Variants in TMC8 observed in about 807,000 individuals in gnomAD.
TMC8 encodes transmembrane channel like 8.
Under a neutral mutation model 76.0 loss-of-function variants are expected in TMC8, and 71 were observed. The observed-to-expected ratio is 0.93, with a 90% confidence interval of 0.77 to 1.14. TMC8 has a LOEUF of 1.14. Ranked by LOEUF, TMC8 falls within the 50% of genes most tolerant of loss-of-function variation. TMC8 has a pLI of 0.00. For missense variants in TMC8, 924 were observed against 947.9 expected (o/e 0.97, Z 0.33); for synonymous variants, 433 against 433.8 (o/e 1.00, Z 0.02).
At chr17:78,132,546 C>T in intron 4 of TMC8, 38 bp downstream of exon 4, 2 of 1,590,764 alleles carry the variant, frequency 1.3e-6, no homozygotes, top group Non-Finnish European at 1.7e-6. Flanking sequence ...GCTCCGGTGC[C>T]CACCTGCGCC....
At position 78,134,494 on chromosome 17, in the gene TMC8, A is replaced by T. The variant is rs7208422; in HGVS notation, c.917A>T (p.Asn306Ile). 803,715 of 1,613,692 alleles carry T rather than the reference A, an allele frequency of 0.5. 202,590 individuals carry two copies. Among genetic ancestry groups the T allele is most frequent in the African/African-American group, 0.68 (51,028 of 74,910 alleles). Residue 306 changes from asparagine to isoleucine, a missense_variant, in exon 8 of 16, where the codon AAC becomes ATC. Physicochemically the swap from Asn to Ile is moderately radical, Grantham distance 149. Transcript: ENST00000318430. ...TCCTACCTGCGGGTCAACGTACTCAACGGGCTCCTGGTGGTTGGGGCCATC... is the reference window on the plus strand; with the variant it reads ...TCCTACCTGCGGGTCAACGTACTCATCGGGCTCCTGGTGGTTGGGGCCATC... ...LLSYLRVNVL[N>I]GLLVVGAISA...
At chr17:78,135,721 C>G (rs1468199418) in intron 9 of TMC8, among the ~76,000 whole-genome samples, 1 of 152,230 alleles carries the variant, frequency 6.6e-6, no homozygotes, top group Non-Finnish European at 1.5e-5. Context: ...CTGCTTTTCC[C>G]TCTGCTTCCT....
At chr17:78,131,160 C>T (rs184878365) in intron 1 of TMC8, 121 bp from the exon 2 acceptor site, 1 of 297,338 alleles carries the variant, frequency 3.4e-6, no homozygotes, top group Non-Finnish European at 6.5e-6. Flanking sequence ...GGAATTGTCT[C>T]TCCTTGGGGT....
Position 78,134,504 on chromosome 17 carries a change from G to A in TMC8, c.927G>A (p.Leu309=). Residue 309 remains leucine (L), a synonymous_variant, in exon 8 of 16, where the codon CTG becomes CTA. Transcript: ENST00000318430. The part of the protein sequence containing the change: ...YLRVNVLNGL[L]VVGAISAIFW... ...GGGTCAACGTACTCAACGGGCTCCT[G>A]GTGGTTGGGGCCATCAGCGCCATCT... 2 of 1,614,098 alleles carry A rather than the reference G, an allele frequency of 1.2e-6. No homozygotes were observed. The highest frequency in any genetic ancestry group is 1.7e-6 in the Non-Finnish European group (2 of 1,180,036).
At chr17:78,133,817 CCCT>C in intron 6 of TMC8, 33 bp from the exon 7 acceptor site, 4 of 1,612,208 alleles carry the variant, frequency 2.5e-6, no homozygotes, top group Non-Finnish European at 3.4e-6. Flanking sequence ...GTAGAGGTGC[CCCT>C]CCTCCAGCAG....
rs1268145541 is a variant in TMC8 at position 78,131,892 on chromosome 17, G to A, written c.160G>A (p.Glu54Lys). The change falls in exon 3 of 16, where the codon GAG becomes AAG. Residue 54 changes from glutamate (E) to lysine (K), a missense_variant. Coordinates refer to ENST00000318430, the MANE Select transcript of TMC8 (RefSeq NM_152468.5). ...ACCACCCCCGTCCAGGCAGCTGCGG[G>A]AGCCCGCGGGGGTGCAGACCTTGCG... ...MDKRLIWQLR[E>K]PAGVQTLRWQ... The A allele has an allele frequency of 4.1e-6, 6 of 1,460,854 alleles. No homozygotes were observed. The highest frequency in any genetic ancestry group is 1.4e-5 in the South Asian group (1 of 72,224). 90.5% of individuals were successfully genotyped at this position (1,460,854 alleles called of 1,614,324 possible). A position where few individuals can be genotyped will look rare whatever the true frequency, so the allele number is the denominator to read the frequency against.
In TMC8 at chr17:78,138,579, A is replaced by G. The variant is rs1353858763; in HGVS notation, c.1670A>G (p.His557Arg). 2 of 1,612,978 alleles carry G rather than the reference A, an allele frequency of 1.2e-6. No individual in the cohort carries two copies. The highest frequency in any genetic ancestry group is 1.3e-5 in the African/African-American group (1 of 74,642). The change falls in exon 14 of 16, where the codon CAC (histidine) becomes CGC (arginine). Residue 557 changes from histidine to arginine, a missense_variant. Coordinates refer to ENST00000318430, the MANE Select transcript of TMC8 (RefSeq NM_152468.5). Reference protein sequence around the residue: ...VPLGYVVSSIHSSWDCGLFTN... With the variant: ...VPLGYVVSSIRSSWDCGLFTN... ...ACTTGGCCATCTCTCGCCAGCATCC[A>G]CTCCTCCTGGGACTGCGGCCTCTTC... is the stretch of plus-strand genomic sequence containing the variant.
At position 78,142,420 on chromosome 17, in the gene TMC8, G is replaced by A. The variant is rs2075387850; in HGVS notation, c.*1308G>A. ...CCTGGTCTGGACTCAGCATCAGGGAGGCTCTGGCCTCTCGCCCTCAGGGCT... is the reference window on the plus strand; with the variant it reads ...CCTGGTCTGGACTCAGCATCAGGGAAGCTCTGGCCTCTCGCCCTCAGGGCT... On this transcript the variant is annotated 3_prime_UTR_variant, in exon 16 of 16. Coordinates refer to ENST00000318430, the MANE Select transcript of TMC8 (RefSeq NM_152468.5). The A allele has an allele frequency of 6.6e-6, 1 of 152,286 alleles. No individual in the cohort carries two copies. The highest frequency in any genetic ancestry group is 1.5e-5 in the Non-Finnish European group (1 of 68,066). The allele number at this position is 152,286 out of a possible 1,614,324, so 9.4% of individuals were successfully genotyped here.
At chr17:78,138,209 G>T in intron 12 of TMC8, 21 bp downstream of exon 12, 1 of 1,613,682 alleles carries the variant, frequency 6.2e-7, no homozygotes, top group East Asian at 2.2e-5. Flanking sequence ...ATGGCTGGGG[G>T]GTATGGGGTT....
intron 6 of TMC8, 49 bp from the exon 7 acceptor site, chr17:78,133,804 A>G (rs369028948): frequency 1.6e-4 from 252 of 1,611,472 alleles, no homozygotes; most frequent in Middle Eastern, 9.0e-4. Context: ...CTGAGGCTGG[A>G]TGGTAGAGGT....
Position 78,134,457 on chromosome 17 carries a change from T to G in TMC8, c.880T>G (p.Cys294Gly). The G allele has an allele frequency of 1.9e-6, 3 of 1,613,850 alleles. No individual in the cohort carries two copies. Among genetic ancestry groups the G allele is most frequent in the Non-Finnish European group, 2.5e-6 (3 of 1,180,032 alleles). The change falls in exon 8 of 16, where the codon TGC (cysteine) becomes GGC (glycine). Residue 294 changes from cysteine to glycine, a missense_variant. Cys to Gly is a radical substitution (Grantham distance 159, BLOSUM62 -3). Coordinates refer to ENST00000318430, the MANE Select transcript of TMC8 (RefSeq NM_152468.5). ...GCAGCAGACCCGGGCCCAGACGGCC[T>G]GCCGCCTGCTCTCCTACCTGCGGGT... ...MQQQTRAQTA[C>G]RLLSYLRVNV...
Position 78,131,602 on chromosome 17 carries a change from G to T in TMC8, c.14G>T (p.Arg5Leu). Reference sequence around the variant, plus strand: ...GTGCCCGCCGAGATGCTGCTGCCGCGGTCGGTGTCATCGGAGCGGGCCCCT... The same window carrying T: ...GTGCCCGCCGAGATGCTGCTGCCGCTGTCGGTGTCATCGGAGCGGGCCCCT... MLLP[R>L]SVSSERAPGV... The change falls in exon 2 of 16, where the codon CGG becomes CTG. Residue 5 changes from arginine to leucine, a missense_variant. Coordinates refer to ENST00000318430, the MANE Select transcript of TMC8 (RefSeq NM_152468.5). 1 of 1,547,314 alleles carries T rather than the reference G, an allele frequency of 6.5e-7. No homozygotes were observed. The highest frequency in any genetic ancestry group is 2.4e-5 in the East Asian group (1 of 41,030).
At position 78,133,410 on chromosome 17, in the gene TMC8, T is replaced by C; in HGVS notation, c.536T>C (p.Phe179Ser). ...TATCTTCGTCGCTGTCCCCAGGCCT[T>C]CACCAACACCTATCTCTTCTACGGT... ...QLWHVLTGRAFTNTYLFYGAY... is the reference protein window; with the variant it reads ...QLWHVLTGRASTNTYLFYGAY... Residue 179 changes from phenylalanine to serine, a missense_variant, in exon 6 of 16, where the codon TTC (phenylalanine) becomes TCC (serine). Physicochemically the swap from Phe to Ser is radical, Grantham distance 155 (BLOSUM62 -2). Coordinates refer to ENST00000318430, the MANE Select transcript of TMC8 (RefSeq NM_152468.5). 6.2e-7 allele frequency: 1 copy of C among 1,613,802 alleles called. No individual in the cohort carries two copies. Among genetic ancestry groups the C allele is most frequent in the Non-Finnish European group, 8.5e-7 (1 of 1,180,024 alleles).
intron 8 of TMC8, 145 bp downstream of exon 8, chr17:78,134,709 A>T: frequency 6.7e-7 from 1 of 1,502,590 alleles, no homozygotes. Context: ...GCGGGCTCCC[A>T]CTGGATATTC....
At chr17:78,134,632 T>G (rs2075171628) in intron 8 of TMC8, 68 bp downstream of exon 8, 11 of 1,595,372 alleles carry the variant, frequency 6.9e-6, no homozygotes, top group Non-Finnish European at 9.4e-6. Context: ...GATCCCATTT[T>G]ACAGATGAGG....
rs752088229 is a variant in TMC8, at chr17:78,141,014, G to A, written c.2083G>A (p.Val695Ile). Residue 695 changes from valine (V) to isoleucine (I), a missense_variant, in exon 16 of 16, where the codon GTC (valine) becomes ATC (isoleucine). Transcript: ENST00000318430. ...GHQAPRPGPS[V>I]VDAAGLRSPC... The stretch of plus-strand genomic sequence containing the variant: ...CCAGGCCCCGCGGCCGGGCCCCTCC[G>A]TCGTGGATGCCGCGGGACTGCGTTC... The A allele has an allele frequency of 5.0e-6, 8 of 1,598,786 alleles. No individual in the cohort carries two copies. In the African/African-American group the frequency reaches 5.4e-5, roughly 11 times the overall value.
rs748151582 is a variant in TMC8 at position 78,138,700 on chromosome 17, C to G, written c.1791C>G (p.His597Gln). ...GTGCCCTCCACTACCTGGGCTCCCA[C>G]GCCTTCAGCTTCCCCCTCCTCATCA... The part of the protein sequence containing the change: ...GQRALHYLGS[H>Q]AFSFPLLIML... The change falls in exon 14 of 16, where the codon CAC becomes CAG. Residue 597 changes from histidine to glutamine, a missense_variant. Coordinates refer to ENST00000318430, the MANE Select transcript of TMC8 (RefSeq NM_152468.5). 1.2e-6 allele frequency: 2 copies of G among 1,611,860 alleles called. No homozygotes were observed. The highest frequency in any genetic ancestry group is 1.7e-6 in the Non-Finnish European group (2 of 1,180,018).
chr17:78,137,564 C>A, intron 10 of TMC8, 153 bp from the exon 11 acceptor site: 1 of 1,119,954 alleles, frequency 8.9e-7, no homozygotes, highest in Non-Finnish European at 1.3e-6. Flanking sequence ...GCTTCCTGCT[C>A]TAATCCCATC....
In TMC8 at chr17:78,131,635, C is replaced by CCTG. The variant is rs1568011483; in HGVS notation, c.47_48insCTG (p.Pro16_Glu17insTrp). On this transcript the variant is annotated inframe_insertion, in exon 2 of 16. Transcript: ENST00000318430. The stretch of plus-strand genomic sequence containing the variant: ...TCATCGGAGCGGGCCCCTGGGGTGC[C>CCTG]GGAGCCGGAGGAGCTGTGGGAGGCA... 1 of 1,555,156 alleles carries CCTG rather than the reference C, an allele frequency of 6.4e-7. No homozygotes were observed. Among genetic ancestry groups the CCTG allele is most frequent in the Admixed American group, 1.9e-5 (1 of 51,626 alleles).
Sources: allele counts gnomAD v4.1 joint callset (sites outside exome capture counted in the v4.1 genomes callset), GRCh38; gene constraint gnomAD v4.1.1; transcripts MANE v1.5; gene names NCBI Gene and HGNC (gene_info 2026-07-23, HGNC 2026-07-21).